Variants in DST observed in about 807,000 individuals in gnomAD.
The protein encoded by DST is bullous pemphigoid antigen.
Under a neutral mutation model 875.2 loss-of-function variants are expected in DST, and 253 were observed. That is an observed-to-expected ratio of 0.29 (90% confidence interval 0.26 to 0.32). The LOEUF is 0.32. Ranked by LOEUF, DST falls within the 10% of genes least tolerant of loss-of-function variation. The pLI, the probability that DST is intolerant of heterozygous loss-of-function variation, is 1.00. For missense variants in DST, 8,287 were observed against 9,111.6 expected (o/e 0.91, Z 3.68); for synonymous variants, 3,124 against 3,197.1 (o/e 0.98, Z 0.77).
At chr6:56,942,452 T>C (rs1246964040) in intron 2 of DST, among the ~76,000 whole-genome samples, 4 of 152,188 alleles carry the variant, frequency 2.6e-5, no homozygotes, top group Non-Finnish European at 4.4e-5. Context: ...GAAGTTCTAG[T>C]TGGGTTTATC....
At chr6:56,577,006 T>C (rs928310459) in intron 50 of DST, among the ~76,000 whole-genome samples, 1 of 152,226 alleles carries the variant, frequency 6.6e-6, no homozygotes, top group Non-Finnish European at 1.5e-5. Context: ...TTCTTCATTT[T>C]AGTAAACTAA....
chr6:56,853,485 T>C (rs971382159), intron 3 of DST, among the ~76,000 whole-genome samples: 14 of 152,232 alleles, frequency 9.2e-5, no homozygotes, highest in African/African-American at 3.4e-4. Context: ...GGCTGCTTTC[T>C]ATCTTCCTAA....
At chr6:56,859,618 AC>A (rs1358423029) in intron 3 of DST, among the ~76,000 whole-genome samples, 5 of 152,228 alleles carry the variant, frequency 3.3e-5, no homozygotes, top group Non-Finnish European at 5.9e-5. Context: ...CATATATTTA[AC>A]TAGAAAATAC....
At chr6:56,583,570 T>C (rs899304381) in intron 49 of DST, among the ~76,000 whole-genome samples, 4 of 152,148 alleles carry the variant, frequency 2.6e-5, no homozygotes, top group Admixed American at 1.3e-4. Flanking sequence ...GATGGTAGTT[T>C]CTTTTGCTGT....
intron 2 of DST, among the ~76,000 whole-genome samples, chr6:56,902,217 G>C (rs1234090417): frequency 1.3e-5 from 2 of 152,184 alleles, no homozygotes; most frequent in African/African-American, 4.8e-5. Context: ...AAATATGGTG[G>C]GAAACTAGTG....
rs762953156 is a variant in DST at position 56,607,357 on chromosome 6, C to T, written c.7271G>A (p.Arg2424Lys). The T allele has an allele frequency of 6.8e-6, 11 of 1,613,004 alleles. No homozygotes were observed. Among genetic ancestry groups the T allele is most frequent in the African/African-American group, 1.3e-5 (1 of 75,012 alleles). ...GGAATAGTCAAAGATAGGTGAATCCCTGTTTGTATTATCTTCATTCTCTGT... is the reference window on the plus strand; with the variant it reads ...GGAATAGTCAAAGATAGGTGAATCCTTGTTTGTATTATCTTCATTCTCTGT... ...NETENEDNTN[R>K]DSPIFDYSPR... Residue 2424 changes from arginine (R) to lysine (K), a missense_variant, in exon 40 of 104, where the codon AGG becomes AAG. Physicochemically the swap from Arg to Lys is conservative, Grantham distance 26. Transcript: ENST00000680361.
rs368411417 is a variant in DST at position 56,714,151 on chromosome 6, C to T, written c.688-9782G>A. ...ATGACACTCCATGTCCCCAGTACCACGATTCATATTTTTCTAAAATAAAAC... is the reference window on the plus strand; with the variant it reads ...ATGACACTCCATGTCCCCAGTACCATGATTCATATTTTTCTAAAATAAAAC... On this transcript the variant is annotated intron_variant, in intron 5 of 103. Coordinates refer to ENST00000680361, the MANE Select transcript of DST (RefSeq NM_001374736.1). The surrounding 1 kb of genome is among the most constrained non-coding windows in gnomAD (Gnocchi z 4.5). Among the ~76,000 whole-genome samples, 31 of 152,212 alleles carry T rather than the reference C, an allele frequency of 2.0e-4. No individual in the cohort carries two copies. Among genetic ancestry groups the T allele is most frequent in the African/African-American group, 5.8e-4 (24 of 41,526 alleles).
chr6:56,695,330 C>G (rs1419990600), intron 9 of DST, among the ~76,000 whole-genome samples: 1 of 151,958 alleles, frequency 6.6e-6, no homozygotes, highest in African/African-American at 2.4e-5. Context: ...CATGATGATC[C>G]AAATAAACCT....
chr6:56,619,180 TGC>T, intron 36 of DST: 1 of 1,614,154 alleles, frequency 6.2e-7, no homozygotes, highest in Non-Finnish European at 8.5e-7. Flanking sequence ...TAAAACCATC[TGC>T]CTGAATTTTC....
Position 56,492,316 on chromosome 6 carries a change from T to C in DST, c.20668A>G (p.Ile6890Val). The C allele has an allele frequency of 1.2e-6, 2 of 1,613,904 alleles. No individual in the cohort carries two copies. The highest frequency in any genetic ancestry group is 8.5e-7 in the Non-Finnish European group (1 of 1,179,818). Residue 6890 changes from isoleucine (I) to valine (V), a missense_variant, in exon 85 of 104, where the codon ATC (isoleucine) becomes GTC (valine). Transcript: ENST00000680361. ...TTTTCCCATCGACTTTGTACACTGA[T>C]AAGTAGATTCTTGATTAGAACAACA... is the stretch of plus-strand genomic sequence containing the variant. ...QDVVLIKNLL[I>V]SVQSRWEKVV...
chr6:56,516,655 G>A (rs1343214702), intron 71 of DST, among the ~76,000 whole-genome samples: 2 of 152,108 alleles, frequency 1.3e-5, no homozygotes, highest in African/African-American at 4.8e-5. Flanking sequence ...GTCTGAATAT[G>A]AATTGAACAT....
intron 3 of DST, chr6:56,871,070 A>T (rs1776863618): frequency 2.0e-6 from 1 of 488,764 alleles, no homozygotes; most frequent in Admixed American, 3.4e-5. Flanking sequence ...AATGAAATGG[A>T]CAGACATTTT....
At chr6:56,590,182 T>A (rs945789086) in intron 49 of DST, among the ~76,000 whole-genome samples, 2 of 152,234 alleles carry the variant, frequency 1.3e-5, no homozygotes, top group African/African-American at 4.8e-5. Flanking sequence ...TTCTTTTTCA[T>A]ATTTCTTTAA....
intron 80 of DST, among the ~76,000 whole-genome samples, chr6:56,499,180 A>G (rs1426450288): frequency 6.6e-6 from 1 of 152,138 alleles, no homozygotes; most frequent in Non-Finnish European, 1.5e-5. Flanking sequence ...TGGCAATAGT[A>G]AAGAAAAAGA....
At chr6:56,619,151 G>C (rs1218484010) in intron 36 of DST, 3 of 1,614,016 alleles carry the variant, frequency 1.9e-6, no homozygotes, top group Non-Finnish European at 2.5e-6. Context: ...GTGTTCATTT[G>C]TGCTGCGTAG....
chr6:56,859,361 A>T (rs1769779748), intron 3 of DST, among the ~76,000 whole-genome samples: 1 of 152,192 alleles, frequency 6.6e-6, no homozygotes, highest in Non-Finnish European at 1.5e-5. Flanking sequence ...AAATTTTTCT[A>T]AAAAATGTAA....
intron 49 of DST, among the ~76,000 whole-genome samples, chr6:56,583,790 GA>G (rs2098080744): frequency 6.6e-6 from 1 of 152,178 alleles, no homozygotes; most frequent in African/African-American, 2.4e-5. Context: ...GTAAGGAAGG[GA>G]TCCAGTTTCA....
intron 9 of DST, among the ~76,000 whole-genome samples, chr6:56,697,527 G>C (rs1325017124): frequency 6.6e-6 from 1 of 152,218 alleles, no homozygotes; most frequent in Non-Finnish European, 1.5e-5. Flanking sequence ...AAAATGGAAA[G>C]TGATGGACGG....
intron 3 of DST, chr6:56,863,955 G>A (rs1251153205): frequency 6.6e-6 from 1 of 152,230 alleles, no homozygotes; most frequent in African/African-American, 2.4e-5. Context: ...TTAATTTTAT[G>A]TGCCAACTTG....
Sources: gnomAD v4.1 joint callset for allele counts (sites outside exome capture counted in the v4.1 genomes callset) on GRCh38, gnomAD v4.1.1 for gene constraint, Gnocchi (gnomAD v3.1) non-coding constraint, MANE v1.5 for transcripts, NCBI Gene and HGNC (gene_info 2026-07-23, HGNC 2026-07-21) for gene names.